Variants in IFT140 observed in about 807,000 individuals in gnomAD.
IFT140 encodes the protein intraflagellar transport protein 140 homolog.
In IFT140, 133 loss-of-function variants were observed where a neutral mutation model predicts 164.6. That is an observed-to-expected ratio of 0.81 (90% CI 0.70 to 0.93). The LOEUF is 0.93. IFT140 is among the 40% of genes least tolerant of loss of function. The pLI is 0.00. For synonymous variants in IFT140, 860 were observed against 817.3 expected, an observed-to-expected ratio of 1.05 and a Z score of -0.89; for missense variants, 2,045 against 1,972.3, an observed-to-expected ratio of 1.04 and a Z score of -0.70.
At chr16:1,581,726 G>A (rs1298368555) in intron 12 of IFT140, among the ~76,000 whole-genome samples, 4 of 130,972 alleles carry the variant, frequency 3.1e-5, no homozygotes, top group Non-Finnish European at 4.9e-5. Flanking sequence ...GAGGAGAGGG[G>A]AGGGGAGGAG....
At chr16:1,583,801 G>A (rs2034711268) in intron 11 of IFT140, among the ~76,000 whole-genome samples, 1 of 151,994 alleles carries the variant, frequency 6.6e-6, no homozygotes, top group African/African-American at 2.4e-5. Context: ...CTGGAGTGCA[G>A]TGGCACGATC....
At chr16:1,546,929 G>C (rs952365351) in intron 19 of IFT140, among the ~76,000 whole-genome samples, 3 of 152,244 alleles carry the variant, frequency 2.0e-5, no homozygotes, top group Non-Finnish European at 4.4e-5. Flanking sequence ...TCGTGGCCAT[G>C]CAATGGGGTC....
chr16:1,610,548 A>G (rs2036285609), intron 2 of IFT140, 116 bp downstream of exon 2: 1 of 152,420 alleles, frequency 6.6e-6, no homozygotes, highest in Non-Finnish European at 1.5e-5. Context: ...CGGCGCCGGG[A>G]TCGTGGGAGG....
At chr16:1,574,408 T>C (rs2034169942) in intron 13 of IFT140, among the ~76,000 whole-genome samples, 1 of 152,076 alleles carries the variant, frequency 6.6e-6, no homozygotes, top group African/African-American at 2.4e-5. Flanking sequence ...GCCTCCCAAG[T>C]AGCTGGGACC....
intron 30 of IFT140, among the ~76,000 whole-genome samples, chr16:1,513,503 A>AG (rs1174250539): frequency 6.6e-6 from 1 of 151,872 alleles, no homozygotes; most frequent in Admixed American, 6.6e-5. Context: ...GTCTCAGAAA[A>AG]GAAAAAAGAA....
chr16:1,554,939 G>C, intron 19 of IFT140: 1 of 1,614,148 alleles, frequency 6.2e-7, no homozygotes, highest in Non-Finnish European at 8.5e-7. Flanking sequence ...AGGACTGCAT[G>C]GCCCCCCGGG....
At chr16:1,552,865 G>C (rs1266512350) in intron 19 of IFT140, 2 of 568,518 alleles carry the variant, frequency 3.5e-6, no homozygotes, top group Non-Finnish European at 4.4e-6. Flanking sequence ...ATCTTGGCCA[G>C]GCTGGTCTTG....
chr16:1,520,355 G>C lies in IFT140; in HGVS notation c.3661-12C>G. The C allele has an allele frequency of 6.2e-7, 1 of 1,613,424 alleles. No individual in the cohort carries two copies. Among genetic ancestry groups the C allele is most frequent in the Non-Finnish European group, 8.5e-7 (1 of 1,179,878 alleles). ...AGCGCCCTCATGGCCTAGGCAGAGA[G>C]ACAGCGGGGCTCAGGCAAGCAGGGG... On this transcript the variant is annotated splice_polypyrimidine_tract_variant and intron_variant, in intron 27 of 30. Transcript: ENST00000426508.
At chr16:1,595,696 A>C (rs1384183612) in intron 4 of IFT140, among the ~76,000 whole-genome samples, 1 of 152,166 alleles carries the variant, frequency 6.6e-6, no homozygotes, top group African/African-American at 2.4e-5. Context: ...AGTACACGTC[A>C]TAGGAATAGT....
At position 1,518,211 on chromosome 16, in the gene IFT140, C is replaced by T. The variant is rs901228147; in HGVS notation, c.4182+5G>A. The stretch of plus-strand genomic sequence containing the variant: ...TGCTGCTAGTGAGCAGCACTCAGGC[C>T]TCACCGTCTGGTATTCCTCCTTCCG... On this transcript the variant is annotated splice_donor_5th_base_variant and intron_variant, in intron 30 of 30. Transcript: ENST00000426508. 16 of 1,609,512 alleles carry T rather than the reference C, an allele frequency of 9.9e-6. No homozygotes were observed. The highest frequency in any genetic ancestry group is 1.4e-5 in the Non-Finnish European group (16 of 1,178,552).
chr16:1,534,469 C>G, intron 19 of IFT140: 3 of 1,611,032 alleles, frequency 1.9e-6, no homozygotes, highest in Non-Finnish European at 2.5e-6. Context: ...GGGGCCAGAG[C>G]CGGCCAGGTG....
chr16:1,528,480 A>C (rs1479983497), intron 19 of IFT140, among the ~76,000 whole-genome samples: 2 of 149,466 alleles, frequency 1.3e-5, no homozygotes, highest in African/African-American at 5.0e-5. Flanking sequence ...TGCACACACA[A>C]GCACATGCAC....
intron 18 of IFT140, among the ~76,000 whole-genome samples, chr16:1,559,043 T>C (rs901803461): frequency 1.3e-5 from 2 of 152,172 alleles, no homozygotes; most frequent in Admixed American, 1.3e-4. Flanking sequence ...GAGGCCCTTC[T>C]TGGCACAGTG....
intron 19 of IFT140, among the ~76,000 whole-genome samples, chr16:1,557,050 C>T (rs2033133154): frequency 6.6e-6 from 1 of 152,142 alleles, no homozygotes; most frequent in South Asian, 2.1e-4. Context: ...GAACTCCCGA[C>T]CTCAGGTGAT....
chr16:1,540,436 C>T (rs552927828), intron 19 of IFT140, among the ~76,000 whole-genome samples: 12 of 152,244 alleles, frequency 7.9e-5, no homozygotes, highest in Non-Finnish European at 1.6e-4. Flanking sequence ...GCGTGAACCT[C>T]GACAGCTTCC....
chr16:1,580,631 G>C, intron 13 of IFT140, 128 bp downstream of exon 13: 1 of 624,802 alleles, frequency 1.6e-6, no homozygotes, highest in Non-Finnish European at 2.9e-6. Flanking sequence ...CCGGTCTCAG[G>C]TAGTTCTTTA....
At chr16:1,582,031 C>G (rs866578393) in intron 12 of IFT140, among the ~76,000 whole-genome samples, 1 of 151,990 alleles carries the variant, frequency 6.6e-6, no homozygotes, top group Non-Finnish European at 1.5e-5. Context: ...GAGCATGACA[C>G]GCGGCCTCCT....
chr16:1,550,289 C>CT (rs1183904768), intron 19 of IFT140, among the ~76,000 whole-genome samples: 1 of 152,214 alleles, frequency 6.6e-6, no homozygotes, highest in African/African-American at 2.4e-5. Context: ...GACAGATGCT[C>CT]TGAGGCCTGA....
rs1372026395 is a variant in IFT140, at chr16:1,564,052, C to T, written c.2012G>A (p.Arg671His). 15 of 1,601,078 alleles carry T rather than the reference C, an allele frequency of 9.4e-6. No homozygotes were observed. Among genetic ancestry groups the T allele is most frequent in the Admixed American group, 1.7e-5 (1 of 59,676 alleles). Residue 671 changes from arginine to histidine, a missense_variant, in exon 17 of 31, where the codon CGC becomes CAC. Physicochemically the swap from Arg to His is conservative, Grantham distance 29 (BLOSUM62 0). Coordinates refer to ENST00000426508, the MANE Select transcript of IFT140 (RefSeq NM_014714.4). The surrounding 1 kb of genome is among the most constrained non-coding windows in gnomAD (Gnocchi z 5.5). ...FVCEAVQETP[R>H]SQPQSANGQP... ...CCCGTTTGCAGACTGAGGCTGGGAGCGCGGCGTCTCCTGCACGGCTTCGCA... is the reference window on the plus strand; with the variant it reads ...CCCGTTTGCAGACTGAGGCTGGGAGTGCGGCGTCTCCTGCACGGCTTCGCA...
Sources: gnomAD v4.1 joint callset for allele counts (sites outside exome capture counted in the v4.1 genomes callset) on GRCh38, gnomAD v4.1.1 for gene constraint, Gnocchi (gnomAD v3.1) non-coding constraint, MANE v1.5 for transcripts, NCBI Gene and HGNC (gene_info 2026-07-23, HGNC 2026-07-21) for gene names.